Variants in MACROD2 observed in about 807,000 individuals in gnomAD.
MACROD2 encodes the protein ADP-ribose glycohydrolase MACROD2.
A neutral mutation model predicts 70.4 loss-of-function variants in MACROD2; 36 were observed. That is an observed-to-expected ratio of 0.51 (90% CI 0.39 to 0.68). The LOEUF (loss-of-function observed/expected upper bound fraction) is 0.68, where lower values mean the gene tolerates loss of function less well. MACROD2 is among the 30% of genes least tolerant of loss of function. MACROD2 has a pLI of 0.00. For missense variants in MACROD2, 496 were observed against 538.4 expected (o/e 0.92, Z 0.78); for synonymous variants, 172 against 178.8 (o/e 0.96, Z 0.30).
At position 14,532,250 on chromosome 20, in the gene MACROD2, G is replaced by A. The variant is rs1200393402; in HGVS notation, c.301+38742G>A. 4.9e-5 allele frequency among the ~76,000 whole-genome samples: 6 copies of A among 123,320 alleles called. 1 individual carries two copies. Among genetic ancestry groups the A allele is most frequent in the Admixed American group, 3.7e-4 (4 of 10,788 alleles). The allele number at this position is 123,320 out of a possible 152,430, so 80.9% of individuals were successfully genotyped here. A position where few individuals can be genotyped will look rare whatever the true frequency, so the allele number is the denominator to read the frequency against. ...TTTTTTTTTTTTGAGATGGAGTCTTGCTCTGTCACCCAGGCTGGAGTGCAA... is the reference window on the plus strand; with the variant it reads ...TTTTTTTTTTTTGAGATGGAGTCTTACTCTGTCACCCAGGCTGGAGTGCAA... On this transcript the variant is annotated intron_variant, in intron 4 of 17. Transcript: ENST00000684519.
intron 6 of MACROD2, among the ~76,000 whole-genome samples, chr20:15,300,420 G>C (rs981910204): frequency 2.0e-5 from 3 of 152,104 alleles, no homozygotes; most frequent in African/African-American, 7.2e-5. Context: ...GACTCCAGAT[G>C]ATTCCAAAGT....
chr20:15,611,326 GA>G (rs2146709811), intron 8 of MACROD2, among the ~76,000 whole-genome samples: 1 of 152,252 alleles, frequency 6.6e-6, no homozygotes, highest in East Asian at 1.9e-4. Context: ...GCAGAGTCAC[GA>G]TTGGAAGCCT....
At chr20:15,482,838 A>T (rs1164158803) in intron 7 of MACROD2, among the ~76,000 whole-genome samples, 1 of 152,146 alleles carries the variant, frequency 6.6e-6, no homozygotes, top group Non-Finnish European at 1.5e-5. Flanking sequence ...GCATCTTTAC[A>T]TATGCCTATT....
chr20:14,119,409 A>G (rs1480585018), intron 3 of MACROD2, among the ~76,000 whole-genome samples: 1 of 151,806 alleles, frequency 6.6e-6, no homozygotes, highest in Non-Finnish European at 1.5e-5. Flanking sequence ...CCTTCAGGTG[A>G]TCCACCTACC....
intron 13 of MACROD2, among the ~76,000 whole-genome samples, chr20:15,974,945 G>A (rs2066283611): frequency 6.6e-6 from 1 of 151,874 alleles, no homozygotes; most frequent in South Asian, 2.1e-4. Context: ...GACATAATGA[G>A]TAAAGGTTAT....
At chr20:15,954,654 T>C (rs1046178950) in intron 12 of MACROD2, among the ~76,000 whole-genome samples, 1 of 152,214 alleles carries the variant, frequency 6.6e-6, no homozygotes, top group Non-Finnish European at 1.5e-5. Context: ...AGATATTTAT[T>C]GGGTCTTAAC....
chr20:15,423,830 C>T (rs1315985069), intron 6 of MACROD2, among the ~76,000 whole-genome samples: 4 of 151,972 alleles, frequency 2.6e-5, no homozygotes, highest in Middle Eastern at 3.4e-3. Context: ...GTGTCTTACT[C>T]GGTTCGGGAT....
At chr20:15,897,272 G>A (rs566202432) in intron 10 of MACROD2, among the ~76,000 whole-genome samples, 8 of 152,152 alleles carry the variant, frequency 5.3e-5, no homozygotes, top group South Asian at 4.2e-4. Flanking sequence ...GAATATTTCC[G>A]TTTGTTTTTT....
At chr20:15,971,102 T>C (rs1440478080) in intron 13 of MACROD2, among the ~76,000 whole-genome samples, 1 of 152,214 alleles carries the variant, frequency 6.6e-6, no homozygotes, top group East Asian at 1.9e-4. Flanking sequence ...CAACTCTCCA[T>C]GCATCTTTCA....
intron 15 of MACROD2, among the ~76,000 whole-genome samples, chr20:15,988,174 T>C (rs1279825616): frequency 6.6e-6 from 1 of 152,192 alleles, no homozygotes; most frequent in Non-Finnish European, 1.5e-5. Context: ...TATTCTTCCA[T>C]GTCTATGCCT....
At chr20:14,209,714 G>C (rs752325660) in intron 3 of MACROD2, among the ~76,000 whole-genome samples, 41 of 152,164 alleles carry the variant, frequency 2.7e-4, no homozygotes, top group South Asian at 6.2e-4. Flanking sequence ...TAGGGCATCC[G>C]AGCCAGACAT....
intron 5 of MACROD2, among the ~76,000 whole-genome samples, chr20:15,045,411 G>T (rs1167333292): frequency 6.6e-6 from 1 of 152,202 alleles, no homozygotes; most frequent in African/African-American, 2.4e-5. Flanking sequence ...ACAGGGAGGT[G>T]AGTAAAGGAT....
chr20:15,359,806 C>T (rs558311043), intron 6 of MACROD2, among the ~76,000 whole-genome samples: 33 of 152,170 alleles, frequency 2.2e-4, no homozygotes, highest in African/African-American at 7.7e-4. Flanking sequence ...ATTCTTCAGC[C>T]GGTTTCCTTG....
chr20:15,664,774 G>T (rs903092719), intron 8 of MACROD2, among the ~76,000 whole-genome samples: 2 of 152,118 alleles, frequency 1.3e-5, no homozygotes, highest in African/African-American at 4.8e-5. Flanking sequence ...CCCAGCCTCT[G>T]CTTGGATCAT....
chr20:14,439,000 T>C (rs934445454), intron 3 of MACROD2, among the ~76,000 whole-genome samples: 1 of 152,150 alleles, frequency 6.6e-6, no homozygotes, highest in Non-Finnish European at 1.5e-5. Context: ...CCAAGGAGGT[T>C]TTTCCGTATT....
At chr20:15,027,021 G>C (rs903860860) in intron 5 of MACROD2, among the ~76,000 whole-genome samples, 1 of 152,102 alleles carries the variant, frequency 6.6e-6, no homozygotes, top group South Asian at 2.1e-4. Flanking sequence ...TCAAATACCA[G>C]ACTGTCTGGT....
chr20:15,866,105 TG>T (rs1434260802), intron 9 of MACROD2, among the ~76,000 whole-genome samples: 7 of 152,190 alleles, frequency 4.6e-5, no homozygotes, highest in Non-Finnish European at 8.8e-5. Flanking sequence ...AAACAACTTA[TG>T]TCAGGCCTAA....
chr20:15,693,891 A>T (rs983916178), intron 8 of MACROD2, among the ~76,000 whole-genome samples: 1 of 138,918 alleles, frequency 7.2e-6, no homozygotes, highest in African/African-American at 2.6e-5. Context: ...CCGAGTCCCC[A>T]AAGTCCACTG....
At chr20:14,629,410 C>T (rs1041724776) in intron 4 of MACROD2, among the ~76,000 whole-genome samples, 1 of 152,176 alleles carries the variant, frequency 6.6e-6, no homozygotes, top group African/African-American at 2.4e-5. Flanking sequence ...AGCTATTGTA[C>T]TTCTTCTTTT....
Sources: gnomAD v4.1 joint callset for allele counts (sites outside exome capture counted in the v4.1 genomes callset) on GRCh38, gnomAD v4.1.1 for gene constraint, MANE v1.5 for transcripts, NCBI Gene and HGNC (gene_info 2026-07-23, HGNC 2026-07-21) for gene names.